RBFOX1: variants seen among roughly 807,000 people sequenced by gnomAD.
RBFOX1 encodes RNA binding protein fox-1 homolog 1.
RBFOX1 carries 8 observed loss-of-function variants against 57.7 expected under a neutral mutation model. The ratio of observed to expected loss-of-function variants is 0.14; its 90% CI spans 0.08 to 0.25. The LOEUF is 0.25. RBFOX1 is among the 10% of genes least tolerant of loss of function. The probability of loss-of-function intolerance (pLI) is 1.00; values close to 1 mark genes in which losing one functional copy is unlikely to be tolerated. For missense variants in RBFOX1, 611 were observed against 548.5 expected, an observed-to-expected ratio of 1.11 and a Z score of -1.14; for synonymous variants, 326 against 222.4, an observed-to-expected ratio of 1.47 and a Z score of -4.15.
intron 14 of RBFOX1, among the ~76,000 whole-genome samples, chr16:7,684,355 G>C (rs1195848913): frequency 6.6e-6 from 1 of 152,068 alleles, no homozygotes; most frequent in Non-Finnish European, 1.5e-5. Context: ...GAGGGGATGG[G>C]AGTCTGTGGG....
At chr16:6,766,609 A>C (rs565707260) in intron 3 of RBFOX1, among the ~76,000 whole-genome samples, 192 of 151,918 alleles carry the variant, frequency 1.3e-3, no homozygotes, top group African/African-American at 4.4e-3. Flanking sequence ...ACTTGTGAGC[A>C]CTCACAGTCA....
intron 3 of RBFOX1, among the ~76,000 whole-genome samples, chr16:5,634,810 G>A (rs1020290494): frequency 3.3e-5 from 5 of 152,160 alleles, no homozygotes; most frequent in Non-Finnish European, 7.3e-5. Context: ...AATGGTGGGG[G>A]AAATTACCAT....
At chr16:6,224,469 G>C (rs918660344) in intron 1 of RBFOX1, among the ~76,000 whole-genome samples, 3 of 152,100 alleles carry the variant, frequency 2.0e-5, no homozygotes, top group African/African-American at 4.8e-5. Context: ...AGGCAGTGCT[G>C]ATGTTGCTGG....
At chr16:7,422,881 T>G (rs891247006) in intron 4 of RBFOX1, 3 of 152,336 alleles carry the variant, frequency 2.0e-5, no homozygotes, top group Non-Finnish European at 4.4e-5. Flanking sequence ...CTTTTTCTTC[T>G]GCCTCTTTTC....
intron 4 of RBFOX1, among the ~76,000 whole-genome samples, chr16:7,470,484 G>C (rs974164498): frequency 6.6e-6 from 1 of 152,042 alleles, no homozygotes; most frequent in East Asian, 1.9e-4. Context: ...TGGATGGATA[G>C]TTGAATGGAT....
intron 4 of RBFOX1, among the ~76,000 whole-genome samples, chr16:7,287,621 C>G (rs2095675961): frequency 6.6e-6 from 1 of 152,142 alleles, no homozygotes; most frequent in Admixed American, 6.5e-5. Flanking sequence ...AATGAAAGTA[C>G]TTCACGCTCA....
intron 4 of RBFOX1, among the ~76,000 whole-genome samples, chr16:7,136,685 G>A (rs1048972268): frequency 6.6e-6 from 1 of 152,086 alleles, no homozygotes; most frequent in African/African-American, 2.4e-5. Context: ...CCAAAGTGTT[G>A]GGATTACGGG....
chr16:6,593,598 A>G (rs2097745387), intron 2 of RBFOX1, among the ~76,000 whole-genome samples: 1 of 152,176 alleles, frequency 6.6e-6, no homozygotes, highest in African/African-American at 2.4e-5. Context: ...TCATGATAGA[A>G]TTCCTGGTTT....
chr16:7,641,183 T>G (rs1472283009), intron 11 of RBFOX1, among the ~76,000 whole-genome samples: 1 of 152,188 alleles, frequency 6.6e-6, no homozygotes, highest in East Asian at 1.9e-4. Flanking sequence ...AATACCAGTC[T>G]TCTTGGATAG....
intron 2 of RBFOX1, among the ~76,000 whole-genome samples, chr16:6,385,145 A>T (rs2092157299): frequency 6.6e-6 from 1 of 152,216 alleles, no homozygotes. Flanking sequence ...GCATGGTGTC[A>T]TCATGGGAAG....
intron 3 of RBFOX1, among the ~76,000 whole-genome samples, chr16:6,795,881 C>A (rs746814483): frequency 6.6e-6 from 1 of 151,958 alleles, no homozygotes; most frequent in Non-Finnish European, 1.5e-5. Flanking sequence ...CCCTGCCTTC[C>A]CTTTCCTTTT....
At chr16:6,080,334 T>C (rs2095981658) in intron 1 of RBFOX1, among the ~76,000 whole-genome samples, 2 of 152,202 alleles carry the variant, frequency 1.3e-5, no homozygotes, top group Admixed American at 1.3e-4. Flanking sequence ...TGGGTATCTC[T>C]GACCTTCAGG....
chr16:6,498,627 C>G (rs962118256), intron 2 of RBFOX1, among the ~76,000 whole-genome samples: 1 of 152,132 alleles, frequency 6.6e-6, no homozygotes, highest in Non-Finnish European at 1.5e-5. Context: ...CAATTAGTTC[C>G]TAGCACAATG....
At chr16:7,256,272 G>A (rs528225050) in intron 4 of RBFOX1, among the ~76,000 whole-genome samples, 4 of 152,154 alleles carry the variant, frequency 2.6e-5, no homozygotes, top group South Asian at 2.1e-4. Context: ...GGCCTCTGGG[G>A]TTCTGATGAG....
rs74830463 is a variant in RBFOX1, at chr16:5,691,015, A to T, written c.318+92054A>T. Among the ~76,000 whole-genome samples, 65 of 152,280 alleles carry T rather than the reference A, an allele frequency of 4.3e-4. 1 individual carries two copies. In the East Asian group the frequency reaches 0.012, roughly 29 times the overall value. Reference sequence around the variant, plus strand: ...GCAGCCCAATAATCCTCTTTACCCCAGAACAAAATTTTGAGTACAGTGACA... The same window carrying T: ...GCAGCCCAATAATCCTCTTTACCCCTGAACAAAATTTTGAGTACAGTGACA... On this transcript the variant is annotated intron_variant, in intron 3 of 19. Transcript: ENST00000641259.
chr16:5,738,505 A>C (rs1373762169), intron 3 of RBFOX1, among the ~76,000 whole-genome samples: 1 of 151,776 alleles, frequency 6.6e-6, no homozygotes, highest in East Asian at 2.0e-4. Context: ...GTGGTGGTGC[A>C]CGTCTGTAAT....
At chr16:7,006,662 G>C (rs2093319943) in intron 3 of RBFOX1, among the ~76,000 whole-genome samples, 1 of 152,076 alleles carries the variant, frequency 6.6e-6, no homozygotes, top group Admixed American at 6.6e-5. Flanking sequence ...TGCTCATTCT[G>C]ATCTTGAACT....
intron 3 of RBFOX1, among the ~76,000 whole-genome samples, chr16:5,814,060 A>T (rs1465301543): frequency 6.6e-6 from 1 of 152,214 alleles, no homozygotes. Context: ...TATTATTACT[A>T]ATGTCAGTGA....
At chr16:7,468,481 G>A (rs13333845) in intron 4 of RBFOX1, among the ~76,000 whole-genome samples, 4,341 of 140,812 alleles carry the variant, frequency 0.031, 218 homozygotes, top group African/African-American at 0.11. Context: ...TTTTCCTGGT[G>A]ACAACTTGGA....
Sources: gnomAD v4.1 joint callset for allele counts (sites outside exome capture counted in the v4.1 genomes callset) on GRCh38, gnomAD v4.1.1 for gene constraint, MANE v1.5 for transcripts, NCBI Gene and HGNC (gene_info 2026-07-23, HGNC 2026-07-21) for gene names.